ZDHHC1: variants seen among roughly 807,000 people sequenced by gnomAD.
The protein encoded by ZDHHC1 is palmitoyltransferase ZDHHC1.
A neutral mutation model predicts 46.9 loss-of-function variants in ZDHHC1; 45 were observed. The observed-to-expected ratio is 0.96, with a 90% CI of 0.76 to 1.23. The LOEUF (loss-of-function observed/expected upper bound fraction) is 1.23, where lower values mean the gene tolerates loss of function less well. Ranked by LOEUF, ZDHHC1 falls within the 50% of genes most tolerant of loss-of-function variation. ZDHHC1 has a pLI of 0.00. For synonymous variants in ZDHHC1, 291 were observed against 286.0 expected (o/e 1.02, Z -0.18); for missense variants, 649 against 670.8 (o/e 0.97, Z 0.36).
chr16:67,412,856 A>G (rs1367657313), intron 1 of ZDHHC1, among the ~76,000 whole-genome samples: 4 of 151,278 alleles, frequency 2.6e-5, no homozygotes, highest in Non-Finnish European at 5.9e-5. Flanking sequence ...GCTGGAGTGC[A>G]GTGGTGCGAT....
intron 8 of ZDHHC1, among the ~76,000 whole-genome samples, chr16:67,396,900 G>A (rs1326539756): frequency 6.6e-6 from 1 of 152,212 alleles, no homozygotes; most frequent in African/African-American, 2.4e-5. Context: ...GAGGGGCCTG[G>A]ATGGGAAAGG....
intron 1 of ZDHHC1, among the ~76,000 whole-genome samples, chr16:67,408,859 G>C (rs1314769514): frequency 6.6e-6 from 1 of 152,194 alleles, no homozygotes; most frequent in Non-Finnish European, 1.5e-5. Flanking sequence ...AGGTCATCAG[G>C]TCAAGCCCTG....
rs549801855 is a variant in ZDHHC1 at position 67,399,040 on chromosome 16, A to T, written c.531-96T>A. ...TGTAGGGTCATTGCTATGGGCTCAG[A>T]GGGCTGAGGGTGACCCCACAGCCCC... On this transcript the variant is annotated intron_variant, in intron 5 of 11. Transcript: ENST00000565726. The T allele has an allele frequency of 6.1e-6, 9 of 1,469,886 alleles. No individual in the cohort carries two copies. In the East Asian group the frequency reaches 2.0e-4, roughly 32 times the overall value. 91.1% of individuals were successfully genotyped at this position (1,469,886 alleles called of 1,614,324 possible). A position where few individuals can be genotyped will look rare whatever the true frequency, so the allele number is the denominator to read the frequency against.
intron 1 of ZDHHC1, among the ~76,000 whole-genome samples, chr16:67,410,794 T>C (rs1442147123): frequency 6.6e-6 from 1 of 152,012 alleles, no homozygotes; most frequent in African/African-American, 2.4e-5. Flanking sequence ...GCCTCCCAAG[T>C]AGCCGGGATT....
chr16:67,415,665 C>G (rs1448740730), intron 1 of ZDHHC1, among the ~76,000 whole-genome samples: 4 of 151,780 alleles, frequency 2.6e-5, no homozygotes, highest in Non-Finnish European at 5.9e-5. Flanking sequence ...GCTGAGGCAG[C>G]AGAATGGCTT....
rs573719850 is a variant in ZDHHC1 at position 67,415,367 on chromosome 16, G to C, written c.-39+804C>G. 4.6e-5 allele frequency among the ~76,000 whole-genome samples: 7 copies of C among 152,156 alleles called. No individual in the cohort carries two copies. In the East Asian group the frequency reaches 1.4e-3, roughly 29 times the overall value. On this transcript the variant is annotated intron_variant, in intron 1 of 11. Transcript: ENST00000565726. The stretch of plus-strand genomic sequence containing the variant: ...TCAGCTACTTGGGAGGCTGAGGCGG[G>C]AGGATCGCTTGAGCCCGGGAGCCGG...
intron 1 of ZDHHC1, among the ~76,000 whole-genome samples, chr16:67,408,167 GT>G (rs1207637091): frequency 2.6e-4 from 38 of 147,972 alleles, no homozygotes; most frequent in South Asian, 1.9e-3. Flanking sequence ...TGGGTTTAGG[GT>G]TTTTTTTTTT....
At chr16:67,397,993 C>T (rs1318214911) in intron 8 of ZDHHC1, among the ~76,000 whole-genome samples, 2 of 152,210 alleles carry the variant, frequency 1.3e-5, no homozygotes, top group African/African-American at 2.4e-5. Flanking sequence ...ATGCTTGGCG[C>T]CTGGGCAGGT....
At chr16:67,395,138 T>C in intron 10 of ZDHHC1, 49 bp downstream of exon 10, 1 of 1,613,142 alleles carries the variant, frequency 6.2e-7, no homozygotes, top group Non-Finnish European at 8.5e-7. Context: ...TAGAGGCTTC[T>C]TTCTATCCCA....
At chr16:67,396,580 C>T (rs1218959227) in intron 8 of ZDHHC1, among the ~76,000 whole-genome samples, 2 of 152,174 alleles carry the variant, frequency 1.3e-5, no homozygotes, top group Non-Finnish European at 2.9e-5. Context: ...GGGTGGGTGG[C>T]TGCCTGCAGG....
chr16:67,407,186 C>A (rs2040676864), intron 2 of ZDHHC1, among the ~76,000 whole-genome samples: 1 of 152,222 alleles, frequency 6.6e-6, no homozygotes, highest in South Asian at 2.1e-4. Flanking sequence ...GCATCAACCA[C>A]CCCCTCCACC....
At position 67,401,110 on chromosome 16, in the gene ZDHHC1, C is replaced by G. The variant is rs1172745579; in HGVS notation, c.275G>C (p.Gly92Ala). Residue 92 changes from glycine to alanine, a missense_variant, in exon 4 of 12, where the codon GGC becomes GCC. By Grantham distance (60) the Gly-to-Ala change is moderately conservative (BLOSUM62 0). Coordinates refer to ENST00000565726, the MANE Select transcript of ZDHHC1 (RefSeq NM_001323627.2). The surrounding 1 kb of genome is among the most constrained non-coding windows in gnomAD (Gnocchi z 4.6). ...GYACMGAIFA[G>A]HLVVHLTAVS... ...GGCGGTCAGGTGCACCACAAGGTGGCCAGCAAAGATGGCGCCCATGCACTG... is the reference window on the plus strand; with the variant it reads ...GGCGGTCAGGTGCACCACAAGGTGGGCAGCAAAGATGGCGCCCATGCACTG... The G allele has an allele frequency of 1.2e-6, 2 of 1,613,966 alleles. No homozygotes were observed. Among genetic ancestry groups the G allele is most frequent in the Non-Finnish European group, 1.7e-6 (2 of 1,180,002 alleles).
chr16:67,406,056 CA>C lies in ZDHHC1; in HGVS notation c.252+143del, dbSNP rs1186807267. ...AGGCTGGAGACAGGCTGGGAAGCAGCAAGTCCCCAGGACTGGGCCCACCCTG... is the reference window on the plus strand; with the variant it reads ...AGGCTGGAGACAGGCTGGGAAGCAGCAGTCCCCAGGACTGGGCCCACCCTG... On this transcript the variant is annotated intron_variant, in intron 3 of 11. Transcript: ENST00000565726. This position sits in a 1 kb window ranked among gnomAD's most constrained non-coding sequence, Gnocchi z 4.1. 3.9e-6 allele frequency: 5 copies of C among 1,278,796 alleles called. No individual in the cohort carries two copies. The African/African-American group carries it at 7.6e-5, about 20-fold the overall frequency. 79.2% of individuals were successfully genotyped at this position (1,278,796 alleles called of 1,614,324 possible). A position where few individuals can be genotyped will look rare whatever the true frequency, so the allele number is the denominator to read the frequency against.
At chr16:67,396,696 C>T (rs1467564965) in intron 8 of ZDHHC1, among the ~76,000 whole-genome samples, 3 of 152,174 alleles carry the variant, frequency 2.0e-5, no homozygotes, top group South Asian at 2.1e-4. Flanking sequence ...GGCCGAGGAG[C>T]GCGGGGTCAG....
intron 8 of ZDHHC1, among the ~76,000 whole-genome samples, chr16:67,397,721 G>T (rs1027429780): frequency 6.6e-6 from 1 of 152,168 alleles, no homozygotes; most frequent in Non-Finnish European, 1.5e-5. Flanking sequence ...TGGCCAGGCC[G>T]GCCAGAGCGT....
At chr16:67,402,147 G>A (rs909364310) in intron 3 of ZDHHC1, among the ~76,000 whole-genome samples, 42 of 152,298 alleles carry the variant, frequency 2.8e-4, no homozygotes, top group African/African-American at 9.9e-4. Context: ...ACAATCCTGT[G>A]GCCATCACTA....
chr16:67,401,201 G>C lies in ZDHHC1; in HGVS notation c.253-69C>G, dbSNP rs766770974. 27 of 1,572,324 alleles carry C rather than the reference G, an allele frequency of 1.7e-5. No homozygotes were observed. The highest frequency in any genetic ancestry group is 2.2e-5 in the Non-Finnish European group (25 of 1,160,630). On this transcript the variant is annotated intron_variant, in intron 3 of 11. Coordinates refer to ENST00000565726, the MANE Select transcript of ZDHHC1 (RefSeq NM_001323627.2). The surrounding 1 kb of genome is among the most constrained non-coding windows in gnomAD (Gnocchi z 4.6). ...AGTCCTGCCCCGTTCCTTGCAGCCA[G>C]AGAACTCCCCACTGCCATGCCAGCC...
At position 67,399,208 on chromosome 16, in the gene ZDHHC1, C is replaced by G. The variant is rs537052057; in HGVS notation, c.530+147G>C. The G allele has an allele frequency of 7.3e-6, 6 of 823,076 alleles. 1 individual carries two copies. The highest frequency in any genetic ancestry group is 7.2e-5 in the South Asian group (4 of 55,630). 51.0% of individuals were successfully genotyped at this position (823,076 alleles called of 1,614,324 possible). On this transcript the variant is annotated intron_variant, in intron 5 of 11. Coordinates refer to ENST00000565726, the MANE Select transcript of ZDHHC1 (RefSeq NM_001323627.2). ...TCAGCCGGCACCCAGGAGCATCACT[C>G]TCTCTGGGCAGCACCCCCGCATAAA... is the stretch of plus-strand genomic sequence containing the variant.
chr16:67,405,621 G>A (rs754953675), intron 3 of ZDHHC1, among the ~76,000 whole-genome samples: 10 of 152,308 alleles, frequency 6.6e-5, no homozygotes, highest in Non-Finnish European at 1.5e-4. Flanking sequence ...GTCTCGGTTT[G>A]TCACTATTCC....
Sources: gnomAD v4.1 joint callset for allele counts (sites outside exome capture counted in the v4.1 genomes callset) on GRCh38, gnomAD v4.1.1 for gene constraint, Gnocchi (gnomAD v3.1) non-coding constraint, MANE v1.5 for transcripts, NCBI Gene and HGNC (gene_info 2026-07-23, HGNC 2026-07-21) for gene names.